The following GSAP variants were observed in gnomAD, a reference collection of about 807,000 sequenced individuals.
GSAP encodes the protein gamma-secretase activating protein, also known as gamma-secretase-activating protein.
A neutral mutation model predicts 131.7 loss-of-function variants in GSAP; 118 were observed. The ratio of observed to expected loss-of-function variants is 0.90; its 90% CI spans 0.77 to 1.04. The LOEUF (loss-of-function observed/expected upper bound fraction) is 1.04, where lower values mean the gene tolerates loss of function less well. GSAP is among the 50% of genes least tolerant of loss of function. The pLI is 0.00. For synonymous variants in GSAP, 381 were observed against 363.4 expected, an observed-to-expected ratio of 1.05 and a Z score of -0.55; for missense variants, 1,019 against 1,013.2, an observed-to-expected ratio of 1.01 and a Z score of -0.08.
intron 23 of GSAP, among the ~76,000 whole-genome samples, chr7:77,325,835 T>A (rs1421260662): frequency 6.6e-6 from 1 of 152,214 alleles, no homozygotes; most frequent in Non-Finnish European, 1.5e-5. Context: ...CCTCCCAAAG[T>A]GCTGGGATTA....
chr7:77,359,226 T>G (rs78753809), intron 14 of GSAP, among the ~76,000 whole-genome samples: 142 of 151,912 alleles, frequency 9.3e-4, no homozygotes, highest in African/African-American at 3.3e-3. Context: ...CTATTAATAA[T>G]CTAGTGTCCC....
At chr7:77,345,600 T>C (rs894295236) in intron 19 of GSAP, among the ~76,000 whole-genome samples, 1 of 152,206 alleles carries the variant, frequency 6.6e-6, no homozygotes, top group African/African-American at 2.4e-5. Context: ...TTGCGACTTG[T>C]TTCTGCCCCA....
chr7:77,408,460 A>C (rs1802674295), intron 1 of GSAP, among the ~76,000 whole-genome samples: 1 of 152,182 alleles, frequency 6.6e-6, no homozygotes, highest in African/African-American at 2.4e-5. Flanking sequence ...GCACTTTGGA[A>C]GGCTGAGGTA....
In GSAP at chr7:77,376,852, A is replaced by G; in HGVS notation, c.737T>C (p.Leu246Ser). ...GTGATCATTTTCTGGACTTACCATT[A>G]AGTTATAGCTCTCATCAGCATAAAA... ...IQFYADESYN[L>S]MFEVPLDISL... The change falls in exon 10 of 31, where the codon TTA becomes TCA. Residue 246 changes from leucine (L) to serine (S), a missense_variant. Coordinates refer to ENST00000257626, the MANE Select transcript of GSAP (RefSeq NM_017439.4). The G allele has an allele frequency of 7.0e-7, 1 of 1,431,254 alleles. No homozygotes were observed. Among genetic ancestry groups the G allele is most frequent in the Non-Finnish European group, 9.7e-7 (1 of 1,035,842 alleles). The allele number at this position is 1,431,254 out of a possible 1,614,324, so 88.7% of individuals were successfully genotyped here.
In GSAP at chr7:77,397,018, A is replaced by G. The variant is rs571073095; in HGVS notation, c.331T>C (p.Ser111Pro). Residue 111 changes from serine to proline, a missense_variant, in exon 5 of 31, where the codon TCT becomes CCT. Transcript: ENST00000257626. ...TCGTTCCTTTTTCCTTCTTTAGTAGACTGAACTAAACTTGCAGCTAATGGA... is the reference window on the plus strand; with the variant it reads ...TCGTTCCTTTTTCCTTCTTTAGTAGGCTGAACTAAACTTGCAGCTAATGGA... ...RTLLAASLVQ[S>P]TKEGKRNELQ... 4.2e-5 allele frequency: 67 copies of G among 1,599,476 alleles called. No homozygotes were observed. In the East Asian group the frequency reaches 1.5e-3, roughly 35 times the overall value.
At chr7:77,408,439 C>T (rs1191677296) in intron 1 of GSAP, among the ~76,000 whole-genome samples, 1 of 152,104 alleles carries the variant, frequency 6.6e-6, no homozygotes, top group Non-Finnish European at 1.5e-5. Flanking sequence ...TGGCTCACGC[C>T]TGTAATCCCA....
chr7:77,335,230 G>T (rs1294486043), intron 19 of GSAP, among the ~76,000 whole-genome samples: 1 of 152,012 alleles, frequency 6.6e-6, no homozygotes, highest in Non-Finnish European at 1.5e-5. Context: ...TGAAAACCCG[G>T]CTCTATTAAA....
chr7:77,376,775 C>CAAAAAAA (rs10649095), intron 10 of GSAP, 73 bp downstream of exon 10: 14 of 453,594 alleles, frequency 3.1e-5, no homozygotes, highest in African/African-American at 9.3e-5. Context: ...GACTCCATCT[C>CAAAAAAA]AAAAAAAAAA....
At chr7:77,359,526 T>C (rs1794246092) in intron 14 of GSAP, among the ~76,000 whole-genome samples, 1 of 152,190 alleles carries the variant, frequency 6.6e-6, no homozygotes, top group African/African-American at 2.4e-5. Flanking sequence ...CCAGGGAAAT[T>C]GCACGTAATA....
chr7:77,396,948 T>C (rs186965360), intron 5 of GSAP, 34 bp downstream of exon 5: 4 of 1,234,248 alleles, frequency 3.2e-6, no homozygotes, highest in Admixed American at 1.9e-5. Flanking sequence ...AACCTTCATC[T>C]ACCCATAGGT....
intron 10 of GSAP, among the ~76,000 whole-genome samples, chr7:77,376,314 T>C (rs1417692328): frequency 6.6e-6 from 1 of 152,240 alleles, no homozygotes; most frequent in Non-Finnish European, 1.5e-5. Flanking sequence ...AGCATTTAGT[T>C]ACTGGACATT....
chr7:77,383,539 T>C (rs1208858361), intron 6 of GSAP, among the ~76,000 whole-genome samples: 1 of 152,192 alleles, frequency 6.6e-6, no homozygotes, highest in Non-Finnish European at 1.5e-5. Context: ...ACAGAACGAC[T>C]GTCACCAGGA....
chr7:77,321,474 A>G, intron 24 of GSAP, 71 bp from the exon 25 acceptor site: 2 of 939,904 alleles, frequency 2.1e-6, no homozygotes, highest in Non-Finnish European at 3.5e-6. Flanking sequence ...CTAGGCCTCC[A>G]CAACTCAGAT....
intron 12 of GSAP, among the ~76,000 whole-genome samples, chr7:77,371,160 C>A (rs1278527048): frequency 1.3e-5 from 2 of 152,172 alleles, no homozygotes; most frequent in East Asian, 3.9e-4. Flanking sequence ...ACAAAACTCA[C>A]AATCTTCCTA....
intron 2 of GSAP, among the ~76,000 whole-genome samples, chr7:77,405,128 A>G (rs1276137650): frequency 6.6e-6 from 1 of 152,250 alleles, no homozygotes; most frequent in Non-Finnish European, 1.5e-5. Context: ...AGAACACTTG[A>G]CATTGAAAAC....
At chr7:77,330,176 C>G in intron 20 of GSAP, 63 bp downstream of exon 20, 1 of 1,519,834 alleles carries the variant, frequency 6.6e-7, no homozygotes, top group Non-Finnish European at 8.9e-7. Context: ...GATTTAAAGG[C>G]ATCACCTGGA....
intron 12 of GSAP, among the ~76,000 whole-genome samples, chr7:77,365,244 T>A (rs79912570): frequency 0.071 from 10,739 of 152,182 alleles, 510 homozygotes; most frequent in Non-Finnish European, 0.099. Context: ...TTTTAACTTC[T>A]ATTTTCAGTT....
intron 5 of GSAP, among the ~76,000 whole-genome samples, chr7:77,393,072 A>G (rs528795144): frequency 1.3e-5 from 2 of 151,768 alleles, no homozygotes; most frequent in African/African-American, 4.8e-5. Context: ...GATTAAAAAA[A>G]GAAAAAAAAA....
At chr7:77,336,757 G>A (rs2150729069) in intron 19 of GSAP, among the ~76,000 whole-genome samples, 1 of 152,186 alleles carries the variant, frequency 6.6e-6, no homozygotes, top group Admixed American at 6.5e-5. Flanking sequence ...CAAAGTGACG[G>A]GATTATAGGC....
Sources: allele counts gnomAD v4.1 joint callset (sites outside exome capture counted in the v4.1 genomes callset), GRCh38; gene constraint gnomAD v4.1.1; transcripts MANE v1.5; gene names NCBI Gene and HGNC (gene_info 2026-07-23, HGNC 2026-07-21).